HK1: variants seen among roughly 807,000 people sequenced by gnomAD.
HK1 encodes hexokinase 1.
A neutral mutation model predicts 91.6 loss-of-function variants in HK1; 28 were observed. The ratio of observed to expected loss-of-function variants is 0.31; its 90% confidence interval spans 0.23 to 0.42. The LOEUF (loss-of-function observed/expected upper bound fraction) is 0.42. Among genes scored for constraint, HK1 ranks in the 10% least tolerant of loss-of-function variants. The probability of loss-of-function intolerance (pLI) is 1.00; values close to 1 mark genes in which losing one functional copy is unlikely to be tolerated. For missense variants in HK1, 770 were observed against 1,219.8 expected (o/e 0.63, Z 5.49); for synonymous variants, 430 against 468.1 (o/e 0.92, Z 1.05).
At chr10:69,276,108 AAAAAAAAAAAATACAT>A (rs1844431661) in intron 1 of HK1, among the ~76,000 whole-genome samples, 1 of 49,000 alleles carries the variant, frequency 2.0e-5, no homozygotes, top group Non-Finnish European at 4.0e-5. Flanking sequence ...AAAAAAAAAA[AAAAAAAAAAAATACAT>A]ATATATATAT....
At chr10:69,366,244 G>T (rs188639700) in intron 4 of HK1, among the ~76,000 whole-genome samples, 5 of 152,294 alleles carry the variant, frequency 3.3e-5, no homozygotes, top group African/African-American at 1.2e-4. Flanking sequence ...TCTCAGAGGG[G>T]CTAAGAACCT....
rs1187987874 is a variant in HK1, at chr10:69,389,195, A to G, written c.1936-2A>G. On this transcript the variant is annotated splice_acceptor_variant, in intron 13 of 17. Coordinates refer to ENST00000359426, the MANE Select transcript of HK1 (RefSeq NM_000188.3). LOFTEE classifies it high-confidence loss of function. ...TAAAGCTGTGTCCCTTTCTTTGCAA[A>G]GGAATTTGACCTGGACGTGGTGGCT... 6.2e-7 allele frequency: 1 copy of G among 1,613,120 alleles called. No individual in the cohort carries two copies. The highest frequency in any genetic ancestry group is 8.5e-7 in the Non-Finnish European group (1 of 1,179,144).
At chr10:69,319,334 G>A (rs1484066425) in intron 1 of HK1, among the ~76,000 whole-genome samples, 1 of 152,334 alleles carries the variant, frequency 6.6e-6, no homozygotes, top group East Asian at 1.9e-4. Context: ...CCTTCCGCAG[G>A]GCCTGTTCGG....
intron 2 of HK1, among the ~76,000 whole-genome samples, chr10:69,347,474 C>T (rs577951688): frequency 2.1e-4 from 32 of 149,424 alleles, no homozygotes; most frequent in South Asian, 6.4e-4. Flanking sequence ...CTCGCTCTGT[C>T]GCCCAGGTTG....
intron 2 of HK1, among the ~76,000 whole-genome samples, chr10:69,357,606 T>C (rs1166860626): frequency 6.6e-6 from 1 of 152,086 alleles, no homozygotes; most frequent in African/African-American, 2.4e-5. Context: ...CACACCACCA[T>C]GCCCATCTAA....
At position 69,401,072 on chromosome 10, in the gene HK1, C is replaced by T. The variant is rs14006; in HGVS notation, c.2691C>T (p.Ser897=). ...CCTTCCTCCTGTCTGAGGATGGCAG[C>T]GGCAAGGGGGCCGCCCTCATCACGG... ...NVSFLLSEDG[S]GKGAALITAV... Residue 897 remains serine (S), a synonymous_variant, in exon 18 of 18, where the codon AGC becomes AGT. Transcript: ENST00000359426. The T allele has an allele frequency of 0.015, 24,301 of 1,614,140 alleles. 1,552 individuals are homozygous for T. In the African/African-American group the frequency reaches 0.19, roughly 12 times the overall value.
Position 69,273,496 on chromosome 10 carries a change from A to T in HK1, c.-391+3388A>T, listed in dbSNP as rs191102274. ...CTCCCAAAGTGCTAGGATTACAGGCATGAGCCACCGCTCCCAGCCTAACTT... is the reference window on the plus strand; with the variant it reads ...CTCCCAAAGTGCTAGGATTACAGGCTTGAGCCACCGCTCCCAGCCTAACTT... On this transcript the variant is annotated intron_variant, in intron 1 of 21. Transcript: ENST00000360289. Among the ~76,000 whole-genome samples the T allele has an allele frequency of 2.1e-3, 320 of 152,308 alleles. 6 individuals are homozygous for T. Among genetic ancestry groups the T allele is most frequent in the Admixed American group, 0.019 (298 of 15,306 alleles).
rs568976769 is a variant in HK1 at position 69,394,989 on chromosome 10, C to T, written c.2259C>T (p.Ile753=). 6.8e-6 allele frequency: 11 copies of T among 1,614,112 alleles called. No homozygotes were observed. The highest frequency in any genetic ancestry group is 4.0e-5 in the African/African-American group (3 of 75,024). The change falls in exon 16 of 18, where the codon ATC becomes ATT. Residue 753 remains isoleucine, a synonymous_variant. Transcript: ENST00000359426. Reference sequence around the variant, plus strand: ...TCAGTGGTATGTACCTGGGTGAAATCGTCCGCAACATCTTAATCGACTTCA... The same window carrying T: ...TCAGTGGTATGTACCTGGGTGAAATTGTCCGCAACATCTTAATCGACTTCA... ...KMISGMYLGE[I]VRNILIDFTK... is the part of the protein sequence containing the mutation.
intron 2 of HK1, among the ~76,000 whole-genome samples, chr10:69,358,781 T>C (rs923431335): frequency 6.6e-6 from 1 of 150,528 alleles, no homozygotes; most frequent in African/African-American, 2.5e-5. Flanking sequence ...GAGAATCACT[T>C]GAACCTGGGA....
chr10:69,363,838 A>G (rs1247959067), intron 3 of HK1, among the ~76,000 whole-genome samples: 1 of 152,238 alleles, frequency 6.6e-6, no homozygotes, highest in Non-Finnish European at 1.5e-5. Context: ...TGTACCTGAT[A>G]AGTCATAGAT....
chr10:69,279,689 A>G (rs1844643064), intron 1 of HK1, among the ~76,000 whole-genome samples: 1 of 152,224 alleles, frequency 6.6e-6, no homozygotes, highest in Non-Finnish European at 1.5e-5. Context: ...TTTCTTCCTC[A>G]TCAGTCAAGT....
rs930462363 is a variant in HK1 at position 69,356,620 on chromosome 10, C to A, written c.227-3277C>A. Among the ~76,000 whole-genome samples the A allele has an allele frequency of 2.6e-5, 4 of 152,274 alleles. No individual in the cohort carries two copies. In the East Asian group the frequency reaches 7.7e-4, roughly 29 times the overall value. On this transcript the variant is annotated intron_variant, in intron 2 of 17. Transcript: ENST00000359426. The stretch of plus-strand genomic sequence containing the variant: ...ACAAATGAGGCCGGGTGCGGTGGCT[C>A]ACGCCTGTGATCCCAACACTTTGGG...
At chr10:69,355,504 T>A (rs1048864978) in intron 2 of HK1, among the ~76,000 whole-genome samples, 7 of 152,138 alleles carry the variant, frequency 4.6e-5, no homozygotes, top group African/African-American at 1.7e-4. Flanking sequence ...AATAAATGCA[T>A]ACAGGCTGAG....
upstream of HK1, among the ~76,000 whole-genome samples, chr10:69,312,495 T>C (rs529299146): frequency 6.6e-6 from 1 of 151,748 alleles, no homozygotes; most frequent in Admixed American, 6.5e-5. Context: ...CGCCTCGGCC[T>C]CCCAAAGTGC....
At chr10:69,304,171 C>T (rs1030857380) in intron 5 of HK1, among the ~76,000 whole-genome samples, 2 of 152,132 alleles carry the variant, frequency 1.3e-5, no homozygotes, top group Non-Finnish European at 2.9e-5. Context: ...AATTTCTAAT[C>T]TTTTTGCTAA....
chr10:69,382,147 G>C (rs1327431067), intron 9 of HK1, among the ~76,000 whole-genome samples: 1 of 152,234 alleles, frequency 6.6e-6, no homozygotes, highest in Non-Finnish European at 1.5e-5. Context: ...CCCAGCACTT[G>C]GGAAGCTGAG....
At chr10:69,286,340 A>C (rs768485968) in intron 2 of HK1, among the ~76,000 whole-genome samples, 15 of 152,058 alleles carry the variant, frequency 9.9e-5, no homozygotes, top group Non-Finnish European at 1.9e-4. Flanking sequence ...TCTACAAAAA[A>C]TTAAAAAATT....
At chr10:69,271,011 T>G (rs889755995) in intron 1 of HK1, 11 of 152,230 alleles carry the variant, frequency 7.2e-5, no homozygotes, top group South Asian at 2.1e-4. Flanking sequence ...ACACAGAAGA[T>G]ACTCTATAAA....
chr10:69,276,092 A>T, intron 1 of HK1, among the ~76,000 whole-genome samples: 1 of 26,960 alleles, frequency 3.7e-5, no homozygotes, highest in East Asian at 2.1e-3. Context: ...CTCCTTTTCA[A>T]AAAAAAAAAA....
Sources: allele counts gnomAD v4.1 joint callset (sites outside exome capture counted in the v4.1 genomes callset), GRCh38; gene constraint gnomAD v4.1.1; transcripts MANE v1.5; gene names NCBI Gene and HGNC (gene_info 2026-07-23, HGNC 2026-07-21).